The following ACSBG2 variants were observed in gnomAD, a reference collection of about 807,000 sequenced individuals.
The protein encoded by ACSBG2 is acyl-CoA synthetase bubblegum family member 2.
ACSBG2 carries 62 observed loss-of-function variants against 74.7 expected under a neutral mutation model. The ratio of observed to expected loss-of-function variants is 0.83; its 90% CI spans 0.68 to 1.03. The LOEUF (loss-of-function observed/expected upper bound fraction) is 1.03, where lower values mean the gene tolerates loss of function less well. Among genes scored for constraint, ACSBG2 ranks in the 50% least tolerant of loss-of-function variants. The probability of loss-of-function intolerance (pLI) is 0.00; values close to 1 mark genes in which losing one functional copy is unlikely to be tolerated. For missense variants in ACSBG2, 730 were observed against 817.6 expected, an observed-to-expected ratio of 0.89 and a Z score of 1.31; for synonymous variants, 309 against 294.1, an observed-to-expected ratio of 1.05 and a Z score of -0.52.
At chr19:6,151,235 C>T (rs974984769) in intron 3 of ACSBG2, among the ~76,000 whole-genome samples, 2 of 151,606 alleles carry the variant, frequency 1.3e-5, no homozygotes, top group Admixed American at 6.6e-5. Flanking sequence ...GTAAACAAAC[C>T]TCCCGTAGTC....
intron 3 of ACSBG2, among the ~76,000 whole-genome samples, chr19:6,150,931 T>C (rs143319234): frequency 6.6e-6 from 1 of 151,638 alleles, no homozygotes; most frequent in Non-Finnish European, 1.5e-5. Context: ...CTGGCCAACA[T>C]GGTGAAACGC....
At position 6,141,533 on chromosome 19, in the gene ACSBG2, G is replaced by C. The variant is rs778471795; in HGVS notation, c.-11G>C. On this transcript the variant is annotated 5_prime_UTR_variant, in exon 2 of 15. Coordinates refer to ENST00000588485, the MANE Select transcript of ACSBG2 (RefSeq NM_030924.5). Reference sequence around the variant, plus strand: ...TGCAGTGCTGTGGAGCATGGTTTCTGCACACCTGGAATGACTGGAACCCCA... The same window carrying C: ...TGCAGTGCTGTGGAGCATGGTTTCTCCACACCTGGAATGACTGGAACCCCA... 1.2e-5 allele frequency: 20 copies of C among 1,602,776 alleles called. No homozygotes were observed. The highest frequency in any genetic ancestry group is 1.7e-5 in the Non-Finnish European group (20 of 1,169,894).
intron 2 of ACSBG2, among the ~76,000 whole-genome samples, chr19:6,142,763 A>AAAG (rs1279038159): frequency 4.0e-5 from 6 of 151,438 alleles, no homozygotes; most frequent in African/African-American, 1.5e-4. Flanking sequence ...AAAAAAAAAA[A>AAAG]AAAAATAGTG....
rs1600149937 is a variant in ACSBG2 at position 6,191,995 on chromosome 19, C to G, written c.*36-673C>G. 2 of 145,396 alleles carry G rather than the reference C, an allele frequency of 1.4e-5. 1 individual carries two copies. Among genetic ancestry groups the G allele is most frequent in the South Asian group, 4.2e-4 (2 of 4,718 alleles). 9.0% of individuals were successfully genotyped at this position (145,396 alleles called of 1,614,324 possible). On this transcript the variant is annotated intron_variant, in intron 14 of 14. Transcript: ENST00000588485. ...CCAGTGCTGTCCAATATGGCAGCCA[C>G]TGGCCACTATGTGGTCTGTCCAAAC... is the stretch of plus-strand genomic sequence containing the variant.
At chr19:6,139,092 A>AT (rs5826914) in intron 1 of ACSBG2, among the ~76,000 whole-genome samples, 91,341 of 144,912 alleles carry the variant, frequency 0.63, 29,061 homozygotes, top group Admixed American at 0.7. Context: ...AATTAAACTT[A>AT]TTTTTTTTTT....
chr19:6,181,799 A>G, intron 8 of ACSBG2, among the ~76,000 whole-genome samples: 1 of 53,978 alleles, frequency 1.9e-5, no homozygotes, highest in African/African-American at 7.7e-5. Flanking sequence ...TTTGCATTTG[A>G]ATAGTCCCCA....
intron 1 of ACSBG2, among the ~76,000 whole-genome samples, chr19:6,137,631 T>C (rs1228629194): frequency 6.6e-6 from 1 of 151,772 alleles, no homozygotes; most frequent in Non-Finnish European, 1.5e-5. Flanking sequence ...TTTATTTATT[T>C]ATGTATTTAT....
In ACSBG2 at chr19:6,141,527, G is replaced by T. The variant is rs1206130936; in HGVS notation, c.-17G>T. ...TTGCTTTGCAGTGCTGTGGAGCATG[G>T]TTTCTGCACACCTGGAATGACTGGA... is the stretch of plus-strand genomic sequence containing the variant. On this transcript the variant is annotated 5_prime_UTR_variant, in exon 2 of 15. Coordinates refer to ENST00000588485, the MANE Select transcript of ACSBG2 (RefSeq NM_030924.5). 6.3e-7 allele frequency: 1 copy of T among 1,596,426 alleles called. No homozygotes were observed. The highest frequency in any genetic ancestry group is 2.2e-5 in the East Asian group (1 of 44,796).
At chr19:6,190,117 C>A in intron 13 of ACSBG2, 1 of 169,554 alleles carries the variant, frequency 5.9e-6, no homozygotes, top group African/African-American at 2.4e-5. Context: ...CTTGAGACAC[C>A]CAGAGGGGCT....
At chr19:6,145,414 A>G (rs1359019577) in intron 2 of ACSBG2, among the ~76,000 whole-genome samples, 2 of 132,452 alleles carry the variant, frequency 1.5e-5, no homozygotes, top group Non-Finnish European at 3.1e-5. Flanking sequence ...CTGGAGATAG[A>G]GCAAGACTCC....
rs781413421 is a variant in ACSBG2, at chr19:6,183,104, C to T, written c.1154C>T (p.Ser385Phe). The T allele has an allele frequency of 3.1e-6, 5 of 1,614,218 alleles. No individual in the cohort carries two copies. In the South Asian group the frequency reaches 3.3e-5, roughly 11 times the overall value. Residue 385 changes from serine to phenylalanine, a missense_variant, in exon 10 of 15, where the codon TCC becomes TTC. By Grantham distance (155) the Ser-to-Phe change is radical. Transcript: ENST00000588485. The stretch of plus-strand genomic sequence containing the variant: ...CTCGTGTTCAGCAAAGTCAAGACAT[C>T]CCTTGGCTTGGATCACTGTCACTCT... ...KTLVFSKVKT[S>F]LGLDHCHSFI...
At chr19:6,167,898 C>A (rs1255434164) in intron 7 of ACSBG2, among the ~76,000 whole-genome samples, 2 of 152,126 alleles carry the variant, frequency 1.3e-5, no homozygotes, top group Non-Finnish European at 2.9e-5. Flanking sequence ...TTGGCCCAGT[C>A]TCCATCATCG....
At chr19:6,175,129 C>T (rs4807843) in intron 7 of ACSBG2, among the ~76,000 whole-genome samples, 2 of 152,170 alleles carry the variant, frequency 1.3e-5, no homozygotes, top group Non-Finnish European at 2.9e-5. Flanking sequence ...AACAAGTGTG[C>T]TAGGTTCCTT....
chr19:6,150,103 TAATAA>T (rs377566361), intron 3 of ACSBG2, among the ~76,000 whole-genome samples: 41 of 150,934 alleles, frequency 2.7e-4, no homozygotes, highest in African/African-American at 8.0e-4. Flanking sequence ...AAAATAATAA[TAATAA>T]AATAAAATAA....
At chr19:6,154,125 C>T (rs1178310755) in intron 4 of ACSBG2, among the ~76,000 whole-genome samples, 1 of 151,714 alleles carries the variant, frequency 6.6e-6, no homozygotes, top group South Asian at 2.1e-4. Flanking sequence ...ATTTTGAGGC[C>T]GGGTGCAGTG....
At position 6,185,511 on chromosome 19, in the gene ACSBG2, C is replaced by A; in HGVS notation, c.1398C>A (p.Leu466=). 1 of 1,614,166 alleles carries A rather than the reference C, an allele frequency of 6.2e-7. No homozygotes were observed. The highest frequency in any genetic ancestry group is 8.5e-7 in the Non-Finnish European group (1 of 1,180,008). Residue 466 remains leucine, a synonymous_variant, in exon 11 of 15, where the codon CTC becomes CTA. Transcript: ENST00000588485. The stretch of plus-strand genomic sequence containing the variant: ...AGGATGGCATTGGGGAGATCTGCCT[C>A]TGGGGTAGGCACATCTTCATGGGCT... The part of the protein sequence containing the change: ...QNKDGIGEIC[L]WGRHIFMGYL...
At chr19:6,152,551 A>ATTT (rs746612699) in intron 4 of ACSBG2, among the ~76,000 whole-genome samples, 17 of 20,218 alleles carry the variant, frequency 8.4e-4, no homozygotes, top group Non-Finnish European at 1.7e-3. Context: ...CGGCCTCCCA[A>ATTT]TTTTTTTTTT....
intron 6 of ACSBG2, among the ~76,000 whole-genome samples, chr19:6,161,815 C>T (rs571356998): frequency 6.6e-6 from 1 of 152,136 alleles, no homozygotes; most frequent in South Asian, 2.1e-4. Context: ...GATTAATGAA[C>T]AGTGTCTGTT....
At chr19:6,150,246 G>A (rs552117627) in intron 3 of ACSBG2, among the ~76,000 whole-genome samples, 97 of 150,654 alleles carry the variant, frequency 6.4e-4, no homozygotes, top group Non-Finnish European at 1.2e-3. Flanking sequence ...AAATGGTGCC[G>A]CCACTGTGGA....
Sources: allele counts gnomAD v4.1 joint callset (sites outside exome capture counted in the v4.1 genomes callset), GRCh38; gene constraint gnomAD v4.1.1; transcripts MANE v1.5; gene names NCBI Gene and HGNC (gene_info 2026-07-23, HGNC 2026-07-21).